The following TCERG1L variants were observed in gnomAD, a reference collection of about 807,000 sequenced individuals.
TCERG1L encodes transcription elongation regulator 1-like protein.
A neutral mutation model predicts 56.3 loss-of-function variants in TCERG1L; 37 were observed. That is an observed-to-expected ratio of 0.66 (90% CI 0.51 to 0.87). TCERG1L has a LOEUF of 0.87. Ranked by LOEUF, TCERG1L falls within the 40% of genes least tolerant of loss-of-function variation. TCERG1L has a pLI of 0.00. For missense variants in TCERG1L, 799 were observed against 774.2 expected (o/e 1.03, Z -0.38); for synonymous variants, 324 against 326.3 (o/e 0.99, Z 0.08).
chr10:131,158,308 G>A (rs1029455710), intron 6 of TCERG1L, among the ~76,000 whole-genome samples: 3 of 152,172 alleles, frequency 2.0e-5, no homozygotes, highest in Non-Finnish European at 4.4e-5. Context: ...GAAAAATGCT[G>A]GAGGAGTTTC....
At chr10:131,277,319 C>A (rs1225171497) in intron 3 of TCERG1L, among the ~76,000 whole-genome samples, 1 of 152,190 alleles carries the variant, frequency 6.6e-6, no homozygotes, top group Non-Finnish European at 1.5e-5. Flanking sequence ...GTGAACCCAG[C>A]CCCTGGACAC....
chr10:131,153,921 G>A (rs560835589), intron 6 of TCERG1L, among the ~76,000 whole-genome samples: 3 of 152,278 alleles, frequency 2.0e-5, no homozygotes, highest in South Asian at 2.1e-4. Context: ...GAACCAGAGC[G>A]GGTATGGAGT....
In TCERG1L at chr10:131,309,228, G is replaced by A. The variant is rs1180609940; in HGVS notation, c.414C>T (p.Phe138=). The change falls in exon 2 of 12, where the codon TTC becomes TTT. Residue 138 remains phenylalanine, a synonymous_variant. Coordinates refer to ENST00000368642, the MANE Select transcript of TCERG1L (RefSeq NM_174937.4). ...CAAGAGCAGAAGGGCAGAGATGTGG[G>A]AAGACGGGCACCAGCTCCACTGTGG... ...PSSTVELVPV[F]PHLCPSALAT... The A allele has an allele frequency of 2.5e-6, 4 of 1,608,254 alleles. No homozygotes were observed. Among genetic ancestry groups the A allele is most frequent in the Non-Finnish European group, 3.4e-6 (4 of 1,178,118 alleles).
intron 4 of TCERG1L, among the ~76,000 whole-genome samples, chr10:131,194,150 G>A (rs754259303): frequency 1.3e-5 from 2 of 152,266 alleles, no homozygotes; most frequent in Non-Finnish European, 2.9e-5. Flanking sequence ...GGGAATGCGT[G>A]TCTTCATAAA....
chr10:131,131,490 C>A (rs966759275), intron 8 of TCERG1L, among the ~76,000 whole-genome samples: 1 of 152,154 alleles, frequency 6.6e-6, no homozygotes, highest in Non-Finnish European at 1.5e-5. Flanking sequence ...CAATGCATCC[C>A]TCTAAATAGT....
chr10:131,289,030 AT>A (rs1846577722), intron 3 of TCERG1L, among the ~76,000 whole-genome samples: 1 of 152,220 alleles, frequency 6.6e-6, no homozygotes, highest in African/African-American at 2.4e-5. Context: ...GTGATACAAA[AT>A]TTCAAAAGTC....
rs1167576990 is a variant in TCERG1L at position 131,093,110 on chromosome 10, C to T, written c.*52G>A. The T allele has an allele frequency of 1.8e-5, 28 of 1,585,960 alleles. No individual in the cohort carries two copies. The East Asian group carries it at 5.2e-4, about 29-fold the overall frequency. On this transcript the variant is annotated 3_prime_UTR_variant, in exon 12 of 12. Coordinates refer to ENST00000368642, the MANE Select transcript of TCERG1L (RefSeq NM_174937.4). ...GTCCGTCTCCACCGTGACCCCCTCG[C>T]CCCCGGCACGCCCAGGGTCAACCCC...
intron 4 of TCERG1L, among the ~76,000 whole-genome samples, chr10:131,198,865 G>A (rs1248145816): frequency 6.6e-6 from 1 of 152,232 alleles, no homozygotes; most frequent in Non-Finnish European, 1.5e-5. Flanking sequence ...CATGCACCCC[G>A]TGCACCTGCA....
At chr10:131,234,251 T>C (rs1845888308) in intron 4 of TCERG1L, among the ~76,000 whole-genome samples, 1 of 152,240 alleles carries the variant, frequency 6.6e-6, no homozygotes, top group African/African-American at 2.4e-5. Flanking sequence ...CCCCAACCCA[T>C]CGCATCTGTG....
chr10:131,119,553 C>T (rs141580084), intron 8 of TCERG1L, among the ~76,000 whole-genome samples: 8 of 152,154 alleles, frequency 5.3e-5, no homozygotes, highest in Non-Finnish European at 7.3e-5. Flanking sequence ...TAAGAACAGG[C>T]GCATTCTGAC....
At chr10:131,308,479 C>T (rs748598848) in intron 2 of TCERG1L, 88 bp from the exon 3 acceptor site, 50 of 1,123,468 alleles carry the variant, frequency 4.5e-5, no homozygotes, top group Admixed American at 1.1e-4. Flanking sequence ...TGTTGCCTTA[C>T]GTTGATCCAA....
At chr10:131,297,641 A>T (rs1411080641) in intron 3 of TCERG1L, among the ~76,000 whole-genome samples, 1 of 152,262 alleles carries the variant, frequency 6.6e-6, no homozygotes, top group African/African-American at 2.4e-5. Flanking sequence ...AGTTTATTTT[A>T]ATTTGTGTAT....
intron 3 of TCERG1L, among the ~76,000 whole-genome samples, chr10:131,298,403 G>C (rs888726384): frequency 2.0e-5 from 3 of 151,924 alleles, no homozygotes; most frequent in African/African-American, 7.3e-5. Context: ...GTTGTGGTCG[G>C]AAAATAAATT....
intron 11 of TCERG1L, among the ~76,000 whole-genome samples, chr10:131,094,107 C>T (rs1035964041): frequency 4.6e-5 from 7 of 152,226 alleles, no homozygotes; most frequent in African/African-American, 7.2e-5. Context: ...AAACAGGATG[C>T]GCCTCTGCTG....
intron 4 of TCERG1L, among the ~76,000 whole-genome samples, chr10:131,172,606 C>T (rs545670658): frequency 3.9e-5 from 6 of 152,366 alleles, no homozygotes; most frequent in African/African-American, 1.4e-4. Context: ...CGCGCGCTGG[C>T]TCCGCTCGCA....
At chr10:131,115,876 A>C (rs866786381) in intron 9 of TCERG1L, among the ~76,000 whole-genome samples, 1 of 152,198 alleles carries the variant, frequency 6.6e-6, no homozygotes, top group African/African-American at 2.4e-5. Context: ...TCTGTTCTGC[A>C]GGGAGCTGGG....
rs118186750 is a variant in TCERG1L, at chr10:131,192,396, C to G, written c.857-25511G>C. ...CGATAGATATGAGGAAAAGGGACTCCTTTTACACTGCTGGTGGAAAGGGAA... is the reference window on the plus strand; with the variant it reads ...CGATAGATATGAGGAAAAGGGACTCGTTTTACACTGCTGGTGGAAAGGGAA... On this transcript the variant is annotated intron_variant, in intron 4 of 11. Coordinates refer to ENST00000368642, the MANE Select transcript of TCERG1L (RefSeq NM_174937.4). 8.9e-3 allele frequency among the ~76,000 whole-genome samples: 1,288 copies of G among 144,068 alleles called. 153 individuals carry two copies. In the South Asian group the frequency reaches 0.1, roughly 12 times the overall value. 94.5% of individuals were successfully genotyped at this position (144,068 alleles called of 152,430 possible).
chr10:131,107,351 A>G (rs1845362622), intron 9 of TCERG1L, among the ~76,000 whole-genome samples: 2 of 152,172 alleles, frequency 1.3e-5, no homozygotes, highest in Admixed American at 6.5e-5. Context: ...TTTTCAATGA[A>G]TGATGTGTAG....
chr10:131,281,026 T>C lies in TCERG1L; in HGVS notation c.671-20582A>G, dbSNP rs540276974. ...CACAAAATGTCATTTTTAAAAGGCA[T>C]TATTCAAGTTATCACTGTGGTCCAC... On this transcript the variant is annotated intron_variant, in intron 3 of 11. Transcript: ENST00000368642. Among the ~76,000 whole-genome samples, 7 of 152,316 alleles carry C rather than the reference T, an allele frequency of 4.6e-5. No homozygotes were observed. In the East Asian group the frequency reaches 1.4e-3, roughly 29 times the overall value.
Sources: allele counts gnomAD v4.1 joint callset (sites outside exome capture counted in the v4.1 genomes callset), GRCh38; gene constraint gnomAD v4.1.1; transcripts MANE v1.5; gene names NCBI Gene and HGNC (gene_info 2026-07-23, HGNC 2026-07-21).